Variants in CEP63 observed in about 807,000 individuals in gnomAD.
CEP63 encodes the protein centrosomal protein 63, also known as centrosomal protein of 63 kDa.
Under a neutral mutation model 89.1 loss-of-function variants are expected in CEP63, and 84 were observed. The observed-to-expected ratio is 0.94, with a 90% CI of 0.79 to 1.13. The LOEUF is 1.13. Ranked by LOEUF, CEP63 falls within the 50% of genes most tolerant of loss-of-function variation. The pLI, the probability that CEP63 is intolerant of heterozygous loss-of-function variation, is 0.00. For missense variants in CEP63, 838 were observed against 813.3 expected, an observed-to-expected ratio of 1.03 and a Z score of -0.37; for synonymous variants, 267 against 272.5, an observed-to-expected ratio of 0.98 and a Z score of 0.20.
At chr3:134,739,360 T>G in the CEP63 span, among the ~76,000 whole-genome samples, 25 of 152,318 alleles carry the variant, frequency 1.6e-4, no homozygotes, top group Admixed American at 4.6e-4. Context: ...GTTCAGTCAC[T>G]TTGACAAGTT....
At chr3:134,541,426 T>C (rs886066905) in intron 6 of CEP63, among the ~76,000 whole-genome samples, 14 of 152,060 alleles carry the variant, frequency 9.2e-5, no homozygotes, top group African/African-American at 2.9e-4. Flanking sequence ...AATGGTTATA[T>C]AATTTACTGA....
chr3:134,723,746 CCT>C, the CEP63 span, among the ~76,000 whole-genome samples: 2 of 152,174 alleles, frequency 1.3e-5, no homozygotes, highest in Non-Finnish European at 2.9e-5. Flanking sequence ...GCAGCTCTCA[CCT>C]CTCTCTATCT....
chr3:134,672,233 GTAA>G, the CEP63 span, among the ~76,000 whole-genome samples: 2 of 152,172 alleles, frequency 1.3e-5, no homozygotes, highest in Non-Finnish European at 2.9e-5. Context: ...CTAAAAATGA[GTAA>G]TAATAGTAGC....
chr3:134,760,024 T>C, the CEP63 span, among the ~76,000 whole-genome samples: 1 of 152,090 alleles, frequency 6.6e-6, no homozygotes, highest in African/African-American at 2.4e-5. Context: ...TGTGGAAATA[T>C]TCGTCTGTGT....
the CEP63 span, among the ~76,000 whole-genome samples, chr3:134,767,932 T>A: frequency 6.6e-6 from 1 of 152,192 alleles, no homozygotes; most frequent in Non-Finnish European, 1.5e-5. Context: ...AGTTGAGTGA[T>A]GGATGATTAT....
intron 3 of CEP63, chr3:134,510,521 A>T (rs149180306): frequency 5.1e-6 from 2 of 389,694 alleles, no homozygotes; most frequent in Admixed American, 4.3e-5. Flanking sequence ...TTTTTCTGGT[A>T]TTTTATTCCC....
chr3:134,594,676 G>T, the CEP63 span, among the ~76,000 whole-genome samples: 3 of 152,198 alleles, frequency 2.0e-5, no homozygotes, highest in African/African-American at 7.2e-5. Context: ...AGAAGGAAAT[G>T]ACTATTTAGG....
chr3:134,760,236 T>C, the CEP63 span, among the ~76,000 whole-genome samples: 4 of 151,852 alleles, frequency 2.6e-5, no homozygotes, highest in Non-Finnish European at 4.4e-5. Context: ...TTTTTTGTAT[T>C]TTTTAGTAGA....
At chr3:134,499,430 G>T (rs1220330099) in intron 2 of CEP63, among the ~76,000 whole-genome samples, 1 of 151,968 alleles carries the variant, frequency 6.6e-6, no homozygotes, top group Admixed American at 6.5e-5. Flanking sequence ...CTAGCTAATG[G>T]TTTATCGATT....
intron 5 of CEP63, chr3:134,536,821 C>T (rs1298864289): frequency 6.0e-6 from 2 of 334,194 alleles, no homozygotes; most frequent in Admixed American, 4.2e-5. Context: ...ATCTTAGCAT[C>T]AGTTTTCTGA....
the CEP63 span, among the ~76,000 whole-genome samples, chr3:134,593,058 C>A: frequency 6.6e-6 from 1 of 152,056 alleles, no homozygotes; most frequent in African/African-American, 2.4e-5. Context: ...ATAGGTAAGG[C>A]CTTAACATAG....
intron 3 of CEP63, among the ~76,000 whole-genome samples, chr3:134,521,600 T>C (rs1295682955): frequency 6.6e-6 from 1 of 152,208 alleles, no homozygotes; most frequent in African/African-American, 2.4e-5. Flanking sequence ...TATATTAATA[T>C]ATTCTGTTTA....
the CEP63 span, among the ~76,000 whole-genome samples, chr3:134,778,298 T>C: frequency 6.6e-6 from 1 of 152,054 alleles, no homozygotes; most frequent in Non-Finnish European, 1.5e-5. Context: ...GGTTTCACCA[T>C]GTTGGCCAGG....
At chr3:134,608,926 C>A in the CEP63 span, 36 of 1,451,846 alleles carry the variant, frequency 2.5e-5, no homozygotes, top group Non-Finnish European at 3.1e-5. Flanking sequence ...CCTATGGACA[C>A]CCTGGATGGG....
chr3:134,593,327 T>A, the CEP63 span, among the ~76,000 whole-genome samples: 1 of 152,196 alleles, frequency 6.6e-6, no homozygotes, highest in African/African-American at 2.4e-5. Flanking sequence ...TGCCCGGGAC[T>A]TTTCTAGTCA....
the CEP63 span, among the ~76,000 whole-genome samples, chr3:134,750,908 G>A: frequency 6.6e-6 from 1 of 152,196 alleles, no homozygotes; most frequent in Non-Finnish European, 1.5e-5. Context: ...GGCATTTATG[G>A]ATTCACAATG....
chr3:134,529,019 A>G (rs1004075596), intron 3 of CEP63, among the ~76,000 whole-genome samples: 3 of 152,190 alleles, frequency 2.0e-5, no homozygotes, highest in Non-Finnish European at 2.9e-5. Context: ...TTTAGAAAAG[A>G]CCAACTATGA....
chr3:134,575,528 T>A (rs1205468406), downstream of CEP63, among the ~76,000 whole-genome samples: 1 of 123,948 alleles, frequency 8.1e-6, no homozygotes, highest in Non-Finnish European at 1.7e-5. Context: ...CTTTCTTTCC[T>A]TTTTTCTTTC....
At chr3:134,679,828 T>G in the CEP63 span, among the ~76,000 whole-genome samples, 1 of 152,076 alleles carries the variant, frequency 6.6e-6, no homozygotes, top group Non-Finnish European at 1.5e-5. Context: ...GCTCAAGCTA[T>G]CCTCCCACCT....
Sources: allele counts gnomAD v4.1 joint callset (sites outside exome capture counted in the v4.1 genomes callset), GRCh38; gene constraint gnomAD v4.1.1; transcripts MANE v1.5; gene names NCBI Gene and HGNC (gene_info 2026-07-23, HGNC 2026-07-21).